Variants in KCNQ3 observed in about 807,000 individuals in gnomAD.
KCNQ3 encodes potassium voltage-gated channel subfamily KQT member 3.
Under a neutral mutation model 92.5 loss-of-function variants are expected in KCNQ3, and 30 were observed. The ratio of observed to expected loss-of-function variants is 0.32; its 90% CI spans 0.24 to 0.44. The LOEUF (loss-of-function observed/expected upper bound fraction) is 0.44. Ranked by LOEUF, KCNQ3 falls within the 20% of genes least tolerant of loss-of-function variation. The pLI is 1.00. For missense variants in KCNQ3, 913 were observed against 1,140.3 expected (o/e 0.80, Z 2.87); for synonymous variants, 450 against 468.8 (o/e 0.96, Z 0.52).
At chr8:132,296,307 AT>A (rs1393794543) in intron 1 of KCNQ3, among the ~76,000 whole-genome samples, 1 of 152,196 alleles carries the variant, frequency 6.6e-6, no homozygotes, top group East Asian at 1.9e-4. Flanking sequence ...ATGTCAAATC[AT>A]TTGCCCAGCA....
At position 132,281,040 on chromosome 8, in the gene KCNQ3, G is replaced by A. The variant is rs553958295; in HGVS notation, c.387-94859C>T. ...TATTGTTCAGCTTGGGGTGGGAGGA[G>A]AAAGCTGAGGGTGAGGAGCTCTCAT... On this transcript the variant is annotated intron_variant, in intron 1 of 14. Coordinates refer to ENST00000388996, the MANE Select transcript of KCNQ3 (RefSeq NM_004519.4). 2.0e-5 allele frequency among the ~76,000 whole-genome samples: 3 copies of A among 152,266 alleles called. No individual in the cohort carries two copies. In the South Asian group the frequency reaches 6.2e-4, roughly 32 times the overall value.
At chr8:132,239,033 T>C (rs1163213626) in intron 1 of KCNQ3, among the ~76,000 whole-genome samples, 1 of 152,236 alleles carries the variant, frequency 6.6e-6, no homozygotes, top group Non-Finnish European at 1.5e-5. Context: ...AACTCATTAA[T>C]TGATGGACCC....
intron 1 of KCNQ3, among the ~76,000 whole-genome samples, chr8:132,244,088 AC>A (rs773805640): frequency 6.6e-6 from 1 of 152,120 alleles, no homozygotes; most frequent in East Asian, 1.9e-4. Context: ...GTCCTCCTAC[AC>A]CCCCTGGAAT....
At chr8:132,255,109 C>T (rs894791768) in intron 1 of KCNQ3, among the ~76,000 whole-genome samples, 1 of 151,728 alleles carries the variant, frequency 6.6e-6, no homozygotes, top group African/African-American at 2.4e-5. Flanking sequence ...CTCCAATGCC[C>T]CCTCCCCCCC....
chr8:132,300,900 T>C (rs79360039), intron 1 of KCNQ3, among the ~76,000 whole-genome samples: 3,034 of 152,262 alleles, frequency 0.02, 91 homozygotes, highest in East Asian at 0.094. Flanking sequence ...CAGTTTGTCA[T>C]GCCGAAAGCA....
At chr8:132,304,588 T>G (rs749308738) in intron 1 of KCNQ3, among the ~76,000 whole-genome samples, 25 of 152,148 alleles carry the variant, frequency 1.6e-4, no homozygotes, top group Non-Finnish European at 3.1e-4. Flanking sequence ...AAGTAAAATT[T>G]TAAGGTCCAA....
In KCNQ3 at chr8:132,174,273, GA is replaced by G. The variant is rs865925784; in HGVS notation, c.1009del (p.Ser337ProfsTer2). ...GGCAAAAAAGGAGACGCCAATTAAG[GA>G]AAAGGTGGCGGCAATCAGACGGCCT... ...WEGRLIAATF[S>X]LIGVSFFALP... On this transcript the variant is annotated frameshift_variant, in exon 6 of 15. Coordinates refer to ENST00000388996, the MANE Select transcript of KCNQ3 (RefSeq NM_004519.4). LOFTEE classifies it high-confidence loss of function. The G allele has an allele frequency of 6.4e-7, 1 of 1,551,826 alleles. No individual in the cohort carries two copies. Among genetic ancestry groups the G allele is most frequent in the Non-Finnish European group, 8.7e-7 (1 of 1,147,160 alleles).
At chr8:132,337,051 T>G (rs1273677826) in intron 1 of KCNQ3, among the ~76,000 whole-genome samples, 2 of 152,188 alleles carry the variant, frequency 1.3e-5, no homozygotes, top group Non-Finnish European at 2.9e-5. Flanking sequence ...CTAAAAATGT[T>G]GGGTGCCACC....
At chr8:132,248,757 C>T (rs905359665) in intron 1 of KCNQ3, among the ~76,000 whole-genome samples, 3 of 152,254 alleles carry the variant, frequency 2.0e-5, no homozygotes, top group Middle Eastern at 6.8e-3. Context: ...CTCCCTGCCA[C>T]GGTGATTGGC....
chr8:132,438,675 G>A (rs189971927), intron 1 of KCNQ3, among the ~76,000 whole-genome samples: 5 of 152,164 alleles, frequency 3.3e-5, no homozygotes, highest in African/African-American at 9.6e-5. Context: ...TCTCTGTGGC[G>A]CTCATGGAGA....
chr8:132,129,718 G>A lies in KCNQ3; in HGVS notation c.2163C>T (p.Pro721=). ...GFFAHDPVNL[P]RGGPSSGKVQ... ...CCTTTCCAGAACTGGGTCCCCCTCG[G>A]GGCAGGTTCACAGGGTCATGTGCAA... is the stretch of plus-strand genomic sequence containing the variant. Residue 721 remains proline, a synonymous_variant, in exon 15 of 15, where the codon CCC becomes CCT. Transcript: ENST00000388996. This position sits in a 1 kb window ranked among gnomAD's most constrained non-coding sequence, Gnocchi z 5.9. 1 of 1,614,174 alleles carries A rather than the reference G, an allele frequency of 6.2e-7. No individual in the cohort carries two copies. The highest frequency in any genetic ancestry group is 8.5e-7 in the Non-Finnish European group (1 of 1,180,038).
At chr8:132,209,647 T>C (rs1483495561) in intron 1 of KCNQ3, among the ~76,000 whole-genome samples, 2 of 152,160 alleles carry the variant, frequency 1.3e-5, no homozygotes, top group Non-Finnish European at 2.9e-5. Context: ...ATGCATTCAG[T>C]AGAAGCCATT....
chr8:132,135,355 G>A (rs776200092), intron 12 of KCNQ3, among the ~76,000 whole-genome samples: 9 of 152,126 alleles, frequency 5.9e-5, no homozygotes, highest in African/African-American at 9.7e-5. Flanking sequence ...AGGTTGGGAC[G>A]GGGTGGGAGG....
chr8:132,176,905 G>T (rs766578316), intron 4 of KCNQ3, among the ~76,000 whole-genome samples: 1 of 152,152 alleles, frequency 6.6e-6, no homozygotes, highest in Admixed American at 6.5e-5. Context: ...CACATTGTAC[G>T]GGTGTGAGTT....
At chr8:132,380,794 T>C (rs1248444044) in intron 1 of KCNQ3, among the ~76,000 whole-genome samples, 1 of 151,918 alleles carries the variant, frequency 6.6e-6, no homozygotes, top group Non-Finnish European at 1.5e-5. Context: ...GTGGGTACTG[T>C]GCATGCAGAG....
rs1185922469 is a variant in KCNQ3 at position 132,122,667 on chromosome 8, A to T, written c.*6595T>A. The T allele has an allele frequency of 6.6e-6, 1 of 152,190 alleles. No individual in the cohort carries two copies. The highest frequency in any genetic ancestry group is 1.5e-5 in the Non-Finnish European group (1 of 68,046). The allele number at this position is 152,190 out of a possible 1,614,324, so 9.4% of individuals were successfully genotyped here. On this transcript the variant is annotated 3_prime_UTR_variant, in exon 15 of 15. Coordinates refer to ENST00000388996, the MANE Select transcript of KCNQ3 (RefSeq NM_004519.4). ...ACTGGGCCAACTATTGTTGTTCTAGAACTTGACCATCCTTCTTTCTGAATA... is the reference window on the plus strand; with the variant it reads ...ACTGGGCCAACTATTGTTGTTCTAGTACTTGACCATCCTTCTTTCTGAATA...
chr8:132,223,405 T>C (rs1352445062), intron 1 of KCNQ3, among the ~76,000 whole-genome samples: 5 of 152,162 alleles, frequency 3.3e-5, no homozygotes, highest in Admixed American at 3.3e-4. Flanking sequence ...GTGCACAAAG[T>C]ACAAAAACTT....
intron 1 of KCNQ3, among the ~76,000 whole-genome samples, chr8:132,474,934 G>C (rs540913513): frequency 6.6e-6 from 1 of 152,274 alleles, no homozygotes; most frequent in South Asian, 2.1e-4. Context: ...ATCCCCACAT[G>C]TTTCCAGAGT....
At chr8:132,224,280 A>G (rs1405990250) in intron 1 of KCNQ3, among the ~76,000 whole-genome samples, 1 of 151,944 alleles carries the variant, frequency 6.6e-6, no homozygotes, top group Non-Finnish European at 1.5e-5. Context: ...TTTAAAATTT[A>G]TACTTGCATC....
Sources: gnomAD v4.1 joint callset for allele counts (sites outside exome capture counted in the v4.1 genomes callset) on GRCh38, gnomAD v4.1.1 for gene constraint, Gnocchi (gnomAD v3.1) non-coding constraint, MANE v1.5 for transcripts, NCBI Gene and HGNC (gene_info 2026-07-23, HGNC 2026-07-21) for gene names.